Variants in PRKCH observed in about 807,000 individuals in gnomAD.
The protein encoded by PRKCH is protein kinase C eta type.
PRKCH carries 28 observed loss-of-function variants against 82.5 expected under a neutral mutation model. The ratio of observed to expected loss-of-function variants is 0.34; its 90% confidence interval spans 0.25 to 0.47. PRKCH has a LOEUF of 0.47. Among genes scored for constraint, PRKCH ranks in the 20% least tolerant of loss-of-function variants. The pLI, the probability that PRKCH is intolerant of heterozygous loss-of-function variation, is 1.00. For missense variants in PRKCH, 705 were observed against 881.8 expected, an observed-to-expected ratio of 0.80 and a Z score of 2.54; for synonymous variants, 322 against 327.4, an observed-to-expected ratio of 0.98 and a Z score of 0.18.
intron 2 of PRKCH, among the ~76,000 whole-genome samples, chr14:61,392,849 T>G (rs984532554): frequency 6.6e-6 from 1 of 152,036 alleles, no homozygotes; most frequent in Admixed American, 6.5e-5. Context: ...TTTTTGTTTT[T>G]TTTTTTTAAG....
intron 1 of PRKCH, among the ~76,000 whole-genome samples, chr14:61,241,678 T>C (rs11621381): frequency 0.94 from 142,413 of 152,258 alleles, 67,297 homozygotes; most frequent in Non-Finnish European, 1. Flanking sequence ...TGGTGAAACC[T>C]AGAGGGAGTC....
At chr14:61,509,744 TAAAAA>T (rs1230521023) in intron 10 of PRKCH, among the ~76,000 whole-genome samples, 5 of 151,650 alleles carry the variant, frequency 3.3e-5, no homozygotes, top group East Asian at 3.9e-4. Flanking sequence ...AATAAATAAA[TAAAAA>T]TAAAATAAAA....
At chr14:61,537,345 T>C (rs2043125083) in intron 12 of PRKCH, among the ~76,000 whole-genome samples, 1 of 152,246 alleles carries the variant, frequency 6.6e-6, no homozygotes, top group African/African-American at 2.4e-5. Flanking sequence ...TTCCAGCTGT[T>C]ATTTCTTAAT....
intron 1 of PRKCH, among the ~76,000 whole-genome samples, chr14:61,225,756 ACAG>A (rs1468174647): frequency 1.3e-5 from 2 of 150,856 alleles, no homozygotes; most frequent in East Asian, 1.9e-4. Context: ...TTTTTTTTTA[ACAG>A]ACAGGGTCTT....
intron 1 of PRKCH, among the ~76,000 whole-genome samples, chr14:61,232,402 A>G (rs1282180858): frequency 1.3e-5 from 2 of 152,076 alleles, no homozygotes; most frequent in Non-Finnish European, 1.5e-5. Flanking sequence ...TTTATTTTTA[A>G]TAGAGACAGG....
At chr14:61,228,535 G>A (rs2044715516) in intron 1 of PRKCH, among the ~76,000 whole-genome samples, 1 of 152,140 alleles carries the variant, frequency 6.6e-6, no homozygotes, top group Non-Finnish European at 1.5e-5. Context: ...AGCACATCTT[G>A]AGGACTTGCA....
intron 1 of PRKCH, among the ~76,000 whole-genome samples, chr14:61,351,671 A>G (rs907959547): frequency 2.6e-4 from 39 of 152,164 alleles, no homozygotes; most frequent in African/African-American, 8.7e-4. Flanking sequence ...AGTTGGTATC[A>G]TAGTGTCATA....
chr14:61,198,055 T>C (rs2044453170), intron 1 of PRKCH, among the ~76,000 whole-genome samples: 1 of 143,804 alleles, frequency 7.0e-6, no homozygotes, highest in South Asian at 2.3e-4. Context: ...ATATTTTTAT[T>C]TTTCTGAATT....
At chr14:61,443,368 G>T in intron 3 of PRKCH, 107 bp downstream of exon 3, 1 of 1,241,338 alleles carries the variant, frequency 8.1e-7, no homozygotes, top group Non-Finnish European at 1.1e-6. Context: ...AATTCTTTCA[G>T]GATCTGATTT....
chr14:61,188,677 GACCTCCTCACCCCCAGAC>G (rs2044386862), intron 1 of PRKCH, among the ~76,000 whole-genome samples: 2 of 105,930 alleles, frequency 1.9e-5, no homozygotes, highest in Non-Finnish European at 2.0e-5. Context: ...CTGCCTCTGG[GACCTCCTCACCCCCAGAC>G]GTTGCTGTAG....
At chr14:61,367,473 G>A (rs1316126895) in intron 1 of PRKCH, among the ~76,000 whole-genome samples, 1 of 151,780 alleles carries the variant, frequency 6.6e-6, no homozygotes, top group East Asian at 1.9e-4. Context: ...CTGTCTTTTG[G>A]TGCTGTTCTG....
At chr14:61,242,368 A>G (rs919267582) in intron 1 of PRKCH, among the ~76,000 whole-genome samples, 1 of 152,226 alleles carries the variant, frequency 6.6e-6, no homozygotes, top group African/African-American at 2.4e-5. Flanking sequence ...TCTGACTTTC[A>G]GCAGGCAATG....
rs371840913 is a variant in PRKCH at position 61,308,938 on chromosome 14, T to C, written c.-19+121270T>C. Among the ~76,000 whole-genome samples, 24 of 151,872 alleles carry C rather than the reference T, an allele frequency of 1.6e-4. No individual in the cohort carries two copies. The East Asian group carries it at 1.7e-3, about 11-fold the overall frequency. ...GACATCACGTCCAGCCTCCTGCATA[T>C]TTAGAATCTCAGTTTAAGTGATTAT... On this transcript the variant is annotated intron_variant, in intron 1 of 3. Transcript: ENST00000555185.
chr14:61,538,079 G>A (rs1214730081), intron 12 of PRKCH, among the ~76,000 whole-genome samples: 1 of 152,254 alleles, frequency 6.6e-6, no homozygotes, highest in Admixed American at 6.5e-5. Context: ...GCCAGCAAAG[G>A]TGGTCAGCCA....
intron 1 of PRKCH, among the ~76,000 whole-genome samples, chr14:61,266,595 C>T (rs1207590149): frequency 6.6e-6 from 1 of 152,074 alleles, no homozygotes; most frequent in Non-Finnish European, 1.5e-5. Flanking sequence ...CATGAGCCTC[C>T]GAATCAGTGG....
chr14:61,384,219 A>G (rs2046553477), intron 1 of PRKCH, among the ~76,000 whole-genome samples: 1 of 152,148 alleles, frequency 6.6e-6, no homozygotes, highest in African/African-American at 2.4e-5. Flanking sequence ...GGTTCTAGTG[A>G]TTCAGTGATG....
intron 1 of PRKCH, among the ~76,000 whole-genome samples, chr14:61,324,470 A>T (rs911422380): frequency 6.6e-6 from 1 of 151,938 alleles, no homozygotes; most frequent in Non-Finnish European, 1.5e-5. Flanking sequence ...TGTTTTTTTT[A>T]AAAAGGTTTT....
At chr14:61,431,087 G>A (rs1192326594) in intron 2 of PRKCH, among the ~76,000 whole-genome samples, 3 of 152,238 alleles carry the variant, frequency 2.0e-5, no homozygotes, top group Non-Finnish European at 4.4e-5. Flanking sequence ...CTCAGGCGTT[G>A]GATGAGTGGG....
chr14:61,327,335 TG>T (rs1594915553), intron 1 of PRKCH, among the ~76,000 whole-genome samples: 1 of 152,246 alleles, frequency 6.6e-6, no homozygotes, highest in East Asian at 1.9e-4. Context: ...CATTCTCTTT[TG>T]TACTTTGTAG....
Sources: allele counts gnomAD v4.1 joint callset (sites outside exome capture counted in the v4.1 genomes callset), GRCh38; gene constraint gnomAD v4.1.1; transcripts MANE v1.5; gene names NCBI Gene and HGNC (gene_info 2026-07-23, HGNC 2026-07-21).